MTMR12: variants seen among roughly 807,000 people sequenced by gnomAD.
MTMR12 encodes the protein myotubularin related protein 12, also known as myotubularin-related protein 12.
MTMR12 carries 33 observed loss-of-function variants against 96.7 expected under a neutral mutation model. The ratio of observed to expected loss-of-function variants is 0.34; its 90% CI spans 0.26 to 0.46. The LOEUF (loss-of-function observed/expected upper bound fraction) is 0.46. MTMR12 is among the 20% of genes least tolerant of loss of function. MTMR12 has a pLI of 1.00. For synonymous variants in MTMR12, 298 were observed against 327.2 expected (o/e 0.91, Z 0.96); for missense variants, 721 against 896.1 (o/e 0.80, Z 2.49).
chr5:32,256,768 G>C (rs1183222309), intron 7 of MTMR12, among the ~76,000 whole-genome samples: 1 of 152,194 alleles, frequency 6.6e-6, no homozygotes, highest in African/African-American at 2.4e-5. Context: ...ATGTAGATCA[G>C]TTCATAGGAG....
At chr5:32,305,892 A>C (rs1751340004) in intron 1 of MTMR12, among the ~76,000 whole-genome samples, 1 of 151,470 alleles carries the variant, frequency 6.6e-6, no homozygotes, top group Non-Finnish European at 1.5e-5. Context: ...AACAAGAGTG[A>C]AACTCCGTCT....
At chr5:32,273,346 A>C (rs1329626782) in intron 3 of MTMR12, among the ~76,000 whole-genome samples, 1 of 152,208 alleles carries the variant, frequency 6.6e-6, no homozygotes, top group African/African-American at 2.4e-5. Context: ...ACAGCACTCC[A>C]ACCTGAATGA....
intron 10 of MTMR12, among the ~76,000 whole-genome samples, chr5:32,245,651 A>C (rs984091730): frequency 6.6e-6 from 1 of 152,034 alleles, no homozygotes; most frequent in East Asian, 1.9e-4. Flanking sequence ...AACATAGTGA[A>C]ACCTTGCCTC....
rs751818418 is a variant in MTMR12 at position 32,268,688 on chromosome 5, A to G, written c.583+13T>C. 1 of 1,607,738 alleles carries G rather than the reference A, an allele frequency of 6.2e-7. No individual in the cohort carries two copies. Among genetic ancestry groups the G allele is most frequent in the Admixed American group, 1.7e-5 (1 of 60,018 alleles). On this transcript the variant is annotated intron_variant, in intron 6 of 15. Transcript: ENST00000382142. ...TCTGCTTACCCTCAAATTAGAACCC[A>G]GAAGATATTTACCTGTATTGTTTTG...
chr5:32,258,095 C>G (rs950624867), intron 7 of MTMR12, among the ~76,000 whole-genome samples: 2 of 151,668 alleles, frequency 1.3e-5, no homozygotes, highest in Middle Eastern at 3.2e-3. Context: ...CCACTGCACT[C>G]CAGCCTGGGT....
At chr5:32,259,226 C>T (rs1272873255) in intron 7 of MTMR12, among the ~76,000 whole-genome samples, 3 of 152,242 alleles carry the variant, frequency 2.0e-5, no homozygotes, top group African/African-American at 7.2e-5. Context: ...CAGGCACAAC[C>T]TCCCAGAACA....
chr5:32,304,389 A>C (rs1332452168), intron 1 of MTMR12, among the ~76,000 whole-genome samples: 2 of 152,156 alleles, frequency 1.3e-5, no homozygotes, highest in African/African-American at 4.8e-5. Flanking sequence ...ACACAGACAT[A>C]CTTATAAATG....
Position 32,273,198 on chromosome 5 carries a change from G to A in MTMR12, c.285+782C>T, listed in dbSNP as rs147282277. 3.2e-3 allele frequency among the ~76,000 whole-genome samples: 494 copies of A among 152,152 alleles called. 3 individuals carry two copies. Among genetic ancestry groups the A allele is most frequent in the African/African-American group, 0.011 (477 of 41,530 alleles). ...GTGGATTTCTTGAGCTCAGAACTTC[G>A]AGACCAGCATGGGCAACATGGCAAA... is the stretch of plus-strand genomic sequence containing the variant. On this transcript the variant is annotated intron_variant, in intron 3 of 15. Coordinates refer to ENST00000382142, the MANE Select transcript of MTMR12 (RefSeq NM_001040446.3).
At position 32,282,030 on chromosome 5, in the gene MTMR12, T is replaced by C. The variant is rs148680135; in HGVS notation, c.82-5288A>G. ...CTAAAAGGTGGTAACAAATTGAGAA[T>C]AGAAACCTATATAACCACTGGAGCA... is the stretch of plus-strand genomic sequence containing the variant. On this transcript the variant is annotated intron_variant, in intron 1 of 15. Transcript: ENST00000382142. Among the ~76,000 whole-genome samples the C allele has an allele frequency of 1.9e-3, 282 of 152,160 alleles. 1 individual carries two copies. The highest frequency in any genetic ancestry group is 6.5e-3 in the African/African-American group (270 of 41,522).
chr5:32,238,639 A>G (rs768580213), intron 13 of MTMR12, among the ~76,000 whole-genome samples: 1 of 152,218 alleles, frequency 6.6e-6, no homozygotes, highest in Non-Finnish European at 1.5e-5. Context: ...TGCACCCTGA[A>G]TATCTTTTTA....
At position 32,229,650 on chromosome 5, in the gene MTMR12, G is replaced by T; in HGVS notation, c.*128C>A. The T allele has an allele frequency of 1.2e-6, 1 of 811,552 alleles. No homozygotes were observed. Among genetic ancestry groups the T allele is most frequent in the Non-Finnish European group, 1.8e-6 (1 of 568,294 alleles). The allele number at this position is 811,552 out of a possible 1,614,324, so 50.3% of individuals were successfully genotyped here. On this transcript the variant is annotated 3_prime_UTR_variant, in exon 16 of 16. Transcript: ENST00000382142. ...ATGAGAGCCACCTCTTTTCCCGAAGGCCCAGGTTTATTCTAACGGAGTGCC... is the reference window on the plus strand; with the variant it reads ...ATGAGAGCCACCTCTTTTCCCGAAGTCCCAGGTTTATTCTAACGGAGTGCC...
chr5:32,266,200 G>A (rs1044732743), intron 6 of MTMR12, among the ~76,000 whole-genome samples: 5 of 151,720 alleles, frequency 3.3e-5, no homozygotes, highest in African/African-American at 4.8e-5. Context: ...ATGACTTTAC[G>A]TTTTTGTTTT....
At chr5:32,301,292 T>A (rs1289522313) in intron 1 of MTMR12, among the ~76,000 whole-genome samples, 1 of 152,146 alleles carries the variant, frequency 6.6e-6, no homozygotes, top group African/African-American at 2.4e-5. Context: ...ACAGGGGTAC[T>A]TGCTGATGCC....
chr5:32,276,835 A>C, intron 1 of MTMR12, 93 bp from the exon 2 acceptor site: 2 of 887,598 alleles, frequency 2.3e-6, no homozygotes, highest in Non-Finnish European at 3.5e-6. Flanking sequence ...CTAAAATATC[A>C]CATACCCTCA....
intron 7 of MTMR12, chr5:32,255,978 G>C (rs1749117666): frequency 2.6e-6 from 1 of 380,806 alleles, no homozygotes; most frequent in South Asian, 4.3e-5. Flanking sequence ...TTCAAACTGT[G>C]GCTCTGCCTG....
intron 1 of MTMR12, among the ~76,000 whole-genome samples, chr5:32,298,106 GACA>G (rs1750995359): frequency 6.6e-6 from 1 of 152,226 alleles, no homozygotes; most frequent in South Asian, 2.1e-4. Context: ...ATGGGAAGAT[GACA>G]ACATGAAGGC....
chr5:32,263,080 T>C (rs1342342070), intron 7 of MTMR12, 33 bp downstream of exon 7: 20 of 1,611,506 alleles, frequency 1.2e-5, no homozygotes, highest in Non-Finnish European at 1.7e-5. Flanking sequence ...AATGGGTGAA[T>C]TGTACAGCAT....
intron 3 of MTMR12, 39 bp downstream of exon 3, chr5:32,273,941 T>C: frequency 6.2e-7 from 1 of 1,612,286 alleles, no homozygotes; most frequent in Non-Finnish European, 8.5e-7. Context: ...ACAACCACAC[T>C]GTTGCCCACA....
intron 5 of MTMR12, among the ~76,000 whole-genome samples, chr5:32,269,931 T>C (rs1486851549): frequency 1.3e-5 from 2 of 152,208 alleles, no homozygotes; most frequent in African/African-American, 2.4e-5. Flanking sequence ...CTCAGGAAAT[T>C]TTCTATATCT....
Sources: allele counts gnomAD v4.1 joint callset (sites outside exome capture counted in the v4.1 genomes callset), GRCh38; gene constraint gnomAD v4.1.1; transcripts MANE v1.5; gene names NCBI Gene and HGNC (gene_info 2026-07-23, HGNC 2026-07-21).